MACROD2: variants seen among roughly 807,000 people sequenced by gnomAD.
MACROD2 encodes mono-ADP ribosylhydrolase 2.
Under a neutral mutation model 70.4 loss-of-function variants are expected in MACROD2, and 36 were observed. The ratio of observed to expected loss-of-function variants is 0.51; its 90% CI spans 0.39 to 0.68. The LOEUF is 0.68. Ranked by LOEUF, MACROD2 falls within the 30% of genes least tolerant of loss-of-function variation. The pLI, the probability that MACROD2 is intolerant of heterozygous loss-of-function variation, is 0.00. For missense variants in MACROD2, 496 were observed against 538.4 expected (o/e 0.92, Z 0.78); for synonymous variants, 172 against 178.8 (o/e 0.96, Z 0.30).
At chr20:15,688,178 C>G (rs1002622981) in intron 8 of MACROD2, among the ~76,000 whole-genome samples, 4 of 152,206 alleles carry the variant, frequency 2.6e-5, no homozygotes, top group African/African-American at 9.6e-5. Flanking sequence ...CAGCTGATTG[C>G]CATAAGAGAT....
intron 15 of MACROD2, among the ~76,000 whole-genome samples, chr20:16,008,261 A>G (rs1234088082): frequency 1.3e-5 from 2 of 152,130 alleles, no homozygotes; most frequent in Non-Finnish European, 2.9e-5. Context: ...GCCTATTCCA[A>G]ACGTCTCTCA....
At chr20:14,047,804 A>G (rs2148645682) in intron 2 of MACROD2, among the ~76,000 whole-genome samples, 1 of 152,326 alleles carries the variant, frequency 6.6e-6, no homozygotes, top group Admixed American at 6.5e-5. Context: ...AATACAGTGC[A>G]TGTAGCAGAA....
chr20:15,044,599 C>T (rs1482608477), intron 5 of MACROD2, among the ~76,000 whole-genome samples: 1 of 152,128 alleles, frequency 6.6e-6, no homozygotes, highest in Non-Finnish European at 1.5e-5. Flanking sequence ...ATGGGCAGCT[C>T]TCCCAGGCAG....
chr20:14,618,774 A>C (rs993086841), intron 4 of MACROD2, among the ~76,000 whole-genome samples: 2 of 152,146 alleles, frequency 1.3e-5, no homozygotes, highest in African/African-American at 4.8e-5. Context: ...CAGTGTGAAT[A>C]CATTCATATG....
chr20:14,657,609 C>T (rs1986038094), intron 4 of MACROD2, among the ~76,000 whole-genome samples: 1 of 152,162 alleles, frequency 6.6e-6, no homozygotes, highest in African/African-American at 2.4e-5. Context: ...ATCATTATCA[C>T]AAGGGTAATA....
At chr20:15,595,661 G>A (rs1268876988) in intron 8 of MACROD2, among the ~76,000 whole-genome samples, 1 of 152,000 alleles carries the variant, frequency 6.6e-6, no homozygotes, top group African/African-American at 2.4e-5. Flanking sequence ...AAAATAAGAG[G>A]CATAACTGTG....
rs1001788871 is a variant in MACROD2, at chr20:14,571,538, G to C, written c.301+78030G>C. Reference sequence around the variant, plus strand: ...GTTTATTGAGTATCTATTATGTACTGGTTTTCTGAAATATCATTTTGTCCC... The same window carrying C: ...GTTTATTGAGTATCTATTATGTACTCGTTTTCTGAAATATCATTTTGTCCC... On this transcript the variant is annotated intron_variant, in intron 4 of 17. Coordinates refer to ENST00000684519, the MANE Select transcript of MACROD2 (RefSeq NM_001351661.2). Among the ~76,000 whole-genome samples, 4 of 152,114 alleles carry C rather than the reference G, an allele frequency of 2.6e-5. No individual in the cohort carries two copies. In the South Asian group the frequency reaches 8.3e-4, roughly 32 times the overall value.
intron 6 of MACROD2, among the ~76,000 whole-genome samples, chr20:15,374,813 T>C (rs1201674169): frequency 6.6e-6 from 1 of 152,222 alleles, no homozygotes; most frequent in Non-Finnish European, 1.5e-5. Flanking sequence ...TCATTAATCA[T>C]GTTTGCTGGT....
intron 4 of MACROD2, among the ~76,000 whole-genome samples, chr20:14,632,559 C>T (rs1390972153): frequency 6.6e-6 from 1 of 151,994 alleles, no homozygotes; most frequent in Admixed American, 6.6e-5. Flanking sequence ...TTCATTTTTG[C>T]TGTTTTTATG....
chr20:14,410,323 C>G (rs1164797360), intron 3 of MACROD2, among the ~76,000 whole-genome samples: 2 of 150,962 alleles, frequency 1.3e-5, no homozygotes, highest in African/African-American at 4.9e-5. Context: ...ACAAATGATC[C>G]TGTCACCCAG....
chr20:14,015,801 T>G (rs2052981128), intron 2 of MACROD2, among the ~76,000 whole-genome samples: 1 of 152,234 alleles, frequency 6.6e-6, no homozygotes, highest in Non-Finnish European at 1.5e-5. Flanking sequence ...GTAGTATGTG[T>G]AAGAATTTTA....
Position 16,039,471 on chromosome 20 carries a change from G to A in MACROD2, c.1154-1730G>A, listed in dbSNP as rs375459069. On this transcript the variant is annotated intron_variant, in intron 15 of 17. Transcript: ENST00000684519. The stretch of plus-strand genomic sequence containing the variant: ...AAGATTGTAGTAACACTTTGTCTAC[G>A]ATAAAAGGTGCAAATATTTTCCCTC... 2.9e-4 allele frequency among the ~76,000 whole-genome samples: 44 copies of A among 150,248 alleles called. No homozygotes were observed. The East Asian group carries it at 4.2e-3, about 14-fold the overall frequency.
chr20:14,795,093 C>A (rs992601015), intron 5 of MACROD2, among the ~76,000 whole-genome samples: 3 of 152,006 alleles, frequency 2.0e-5, no homozygotes, highest in Non-Finnish European at 4.4e-5. Context: ...AGCCAATGCA[C>A]AGGGAGAGGA....
intron 5 of MACROD2, among the ~76,000 whole-genome samples, chr20:15,161,371 A>G (rs778367713): frequency 6.7e-6 from 1 of 149,620 alleles, no homozygotes; most frequent in Non-Finnish European, 1.5e-5. Context: ...TTGTAATAAC[A>G]TATAATAATG....
chr20:15,297,728 G>T (rs569738620), intron 6 of MACROD2, among the ~76,000 whole-genome samples: 1 of 152,244 alleles, frequency 6.6e-6, no homozygotes, highest in South Asian at 2.1e-4. Context: ...TGTGTGCATT[G>T]TTAGAGACCC....
intron 4 of MACROD2, among the ~76,000 whole-genome samples, chr20:14,678,879 G>A (rs914518271): frequency 6.6e-6 from 1 of 151,884 alleles, no homozygotes; most frequent in Non-Finnish European, 1.5e-5. Context: ...AACACTAGCT[G>A]TGTATTTGAC....
chr20:14,981,432 G>A lies in MACROD2; in HGVS notation c.419-248508G>A, dbSNP rs973497396. On this transcript the variant is annotated intron_variant, in intron 5 of 17. Transcript: ENST00000684519. ...TACGTGTGTGTGTATATATGTATAT[G>A]TATATATATATATATATATATGTGT... Among the ~76,000 whole-genome samples the A allele has an allele frequency of 5.7e-5, 8 of 141,466 alleles. No individual in the cohort carries two copies. In the South Asian group the frequency reaches 1.2e-3, roughly 21 times the overall value. The allele number at this position is 141,466 out of a possible 152,430, so 92.8% of individuals were successfully genotyped here.
At chr20:15,187,685 G>T (rs1160866063) in intron 5 of MACROD2, among the ~76,000 whole-genome samples, 1 of 152,052 alleles carries the variant, frequency 6.6e-6, no homozygotes, top group Non-Finnish European at 1.5e-5. Context: ...TAGGACCTCT[G>T]GAGACAGACA....
chr20:14,993,031 C>G (rs201110460), intron 5 of MACROD2, among the ~76,000 whole-genome samples: 1 of 152,126 alleles, frequency 6.6e-6, no homozygotes, highest in African/African-American at 2.4e-5. Flanking sequence ...ACTGCATTCT[C>G]TTTCTCTATC....
Sources: gnomAD v4.1 joint callset for allele counts (sites outside exome capture counted in the v4.1 genomes callset) on GRCh38, gnomAD v4.1.1 for gene constraint, MANE v1.5 for transcripts, NCBI Gene and HGNC (gene_info 2026-07-23, HGNC 2026-07-21) for gene names.